The following CTTNBP2 variants were observed in gnomAD, a reference collection of about 807,000 sequenced individuals.
CTTNBP2 encodes the protein cortactin binding protein 2, also known as cortactin-binding protein 2.
CTTNBP2 carries 108 observed loss-of-function variants against 156.9 expected under a neutral mutation model. The ratio of observed to expected loss-of-function variants is 0.69; its 90% confidence interval spans 0.59 to 0.81. The LOEUF (loss-of-function observed/expected upper bound fraction) is 0.81, where lower values mean the gene tolerates loss of function less well. Among genes scored for constraint, CTTNBP2 ranks in the 30% least tolerant of loss-of-function variants. The probability of loss-of-function intolerance (pLI) is 0.00; values close to 1 mark genes in which losing one functional copy is unlikely to be tolerated. For synonymous variants in CTTNBP2, 767 were observed against 751.8 expected, an observed-to-expected ratio of 1.02 and a Z score of -0.33; for missense variants, 1,924 against 2,035.4, an observed-to-expected ratio of 0.95 and a Z score of 1.05.
In CTTNBP2 at chr7:117,725,211, C is replaced by A; in HGVS notation, c.4102G>T (p.Glu1368Ter). The change falls in exon 18 of 23, where the codon GAA becomes TAA. Residue 1368 changes from glutamate to a stop codon, truncating the protein, a stop_gained. Transcript: ENST00000160373. LOFTEE classifies it high-confidence loss of function. ...ACAGAGGCTCTTGACAATATTGCTT[C>A]TTGAACTCTGGGTGCGATGACGCCA... ...WNGVIAPRVQ[E>*]AILSRASVKR... The A allele has an allele frequency of 6.2e-7, 1 of 1,614,146 alleles. No homozygotes were observed. Among genetic ancestry groups the A allele is most frequent in the Non-Finnish European group, 8.5e-7 (1 of 1,180,026 alleles).
intron 12 of CTTNBP2, among the ~76,000 whole-genome samples, chr7:117,750,277 G>A (rs1488091979): frequency 6.6e-6 from 1 of 152,080 alleles, no homozygotes; most frequent in African/African-American, 2.4e-5. Context: ...TAAAGAAGCT[G>A]TCTTTAGTTG....
chr7:117,856,655 T>C (rs1374133840), intron 2 of CTTNBP2, among the ~76,000 whole-genome samples: 1 of 152,178 alleles, frequency 6.6e-6, no homozygotes, highest in Admixed American at 6.5e-5. Flanking sequence ...GGAGGAAGAA[T>C]TGCCATGGGT....
intron 21 of CTTNBP2, 58 bp downstream of exon 21, chr7:117,719,446 C>T (rs1352040443): frequency 2.6e-5 from 39 of 1,501,618 alleles, no homozygotes; most frequent in Non-Finnish European, 3.4e-5. Flanking sequence ...TGTGGTCCCC[C>T]AAAAGTCTCC....
intron 7 of CTTNBP2, among the ~76,000 whole-genome samples, chr7:117,778,601 T>C (rs563673878): frequency 6.6e-6 from 1 of 152,216 alleles, no homozygotes; most frequent in Non-Finnish European, 1.5e-5. Context: ...TCAGAAACTC[T>C]GGGGATGGGG....
intron 2 of CTTNBP2, among the ~76,000 whole-genome samples, chr7:117,817,231 G>T (rs1271918784): frequency 6.7e-6 from 1 of 150,160 alleles, no homozygotes; most frequent in Non-Finnish European, 1.5e-5. Context: ...CTACTCGAGA[G>T]GCTGAGGCAG....
At chr7:117,862,988 C>T (rs1803873572) in intron 1 of CTTNBP2, among the ~76,000 whole-genome samples, 1 of 152,178 alleles carries the variant, frequency 6.6e-6, no homozygotes, top group Non-Finnish European at 1.5e-5. Flanking sequence ...AAAAATGGTA[C>T]CATCCTGTCA....
At chr7:117,833,021 C>T (rs1405610676) in intron 2 of CTTNBP2, among the ~76,000 whole-genome samples, 2 of 152,018 alleles carry the variant, frequency 1.3e-5, no homozygotes, top group Non-Finnish European at 2.9e-5. Flanking sequence ...TCCCAAAGTG[C>T]TGGGATTACA....
chr7:117,768,171 A>T (rs973263173), intron 8 of CTTNBP2, among the ~76,000 whole-genome samples: 1 of 152,054 alleles, frequency 6.6e-6, no homozygotes, highest in African/African-American at 2.4e-5. Flanking sequence ...AAACCAGGTC[A>T]TCTTGTATAG....
chr7:117,756,878 C>T (rs970553101), intron 11 of CTTNBP2, among the ~76,000 whole-genome samples: 46 of 152,282 alleles, frequency 3.0e-4, no homozygotes, highest in African/African-American at 1.1e-3. Context: ...TCCTCCACCC[C>T]CTGGGATGCC....
chr7:117,770,078 C>T (rs181278538), intron 8 of CTTNBP2, among the ~76,000 whole-genome samples: 193 of 152,322 alleles, frequency 1.3e-3, no homozygotes, highest in Non-Finnish European at 2.0e-3. Flanking sequence ...CTAGAATCAA[C>T]ATCATCATCA....
chr7:117,848,925 A>G (rs1249920930), intron 2 of CTTNBP2, among the ~76,000 whole-genome samples: 1 of 152,200 alleles, frequency 6.6e-6, no homozygotes, highest in Non-Finnish European at 1.5e-5. Context: ...TCGATTGCAT[A>G]CAGTTCTTAA....
intron 21 of CTTNBP2, 142 bp downstream of exon 21, chr7:117,719,362 T>TA: frequency 1.3e-6 from 1 of 766,380 alleles, no homozygotes; most frequent in East Asian, 2.6e-5. Flanking sequence ...GAAACGGCCT[T>TA]TCTAAGCAAG....
intron 2 of CTTNBP2, among the ~76,000 whole-genome samples, chr7:117,835,268 C>T (rs1801858255): frequency 6.6e-6 from 1 of 152,202 alleles, no homozygotes; most frequent in Admixed American, 6.5e-5. Flanking sequence ...AAGATATGCA[C>T]ACTAATTCAT....
intron 8 of CTTNBP2, among the ~76,000 whole-genome samples, chr7:117,769,894 T>C (rs1423918357): frequency 6.6e-6 from 1 of 152,220 alleles, no homozygotes; most frequent in Admixed American, 6.5e-5. Flanking sequence ...AAAATGACTC[T>C]ATCTACCACT....
chr7:117,808,120 TGGC>T (rs1218345382), intron 3 of CTTNBP2, among the ~76,000 whole-genome samples: 1 of 152,200 alleles, frequency 6.6e-6, no homozygotes, highest in Non-Finnish European at 1.5e-5. Context: ...GTTATTATTT[TGGC>T]TACACAGATT....
intron 2 of CTTNBP2, among the ~76,000 whole-genome samples, chr7:117,824,963 T>G (rs1040808505): frequency 6.6e-6 from 1 of 152,258 alleles, no homozygotes; most frequent in African/African-American, 2.4e-5. Context: ...TTTTTCTTGT[T>G]TACTCCATCC....
chr7:117,797,024 C>A (rs1450263225), intron 3 of CTTNBP2, among the ~76,000 whole-genome samples: 2 of 152,142 alleles, frequency 1.3e-5, no homozygotes, highest in African/African-American at 2.4e-5. Flanking sequence ...AAGAAAGGAG[C>A]CAATAGCATT....
intron 22 of CTTNBP2, 97 bp from the exon 23 acceptor site, chr7:117,711,879 C>T: frequency 8.2e-7 from 1 of 1,218,884 alleles, no homozygotes; most frequent in Non-Finnish European, 1.1e-6. Context: ...AGGAGTTTCT[C>T]TCTAAAACTA....
rs1249281044 is a variant in CTTNBP2 at position 117,791,935 on chromosome 7, G to C, written c.1261C>G (p.Gln421Glu). Reference protein sequence around the residue: ...QTPGIAPQNSQAPPMHSLHSP... With the variant: ...QTPGIAPQNSEAPPMHSLHSP... ...TGTAAACTGTGCATAGGTGGAGCTTGCGAGTTCTGAGGAGCTATGCCTGGT... is the reference window on the plus strand; with the variant it reads ...TGTAAACTGTGCATAGGTGGAGCTTCCGAGTTCTGAGGAGCTATGCCTGGT... The change falls in exon 4 of 23, where the codon CAA (glutamine) becomes GAA (glutamate). Residue 421 changes from glutamine to glutamate, a missense_variant. Coordinates refer to ENST00000160373, the MANE Select transcript of CTTNBP2 (RefSeq NM_033427.3). The C allele has an allele frequency of 1.2e-6, 2 of 1,614,186 alleles. No individual in the cohort carries two copies. Among genetic ancestry groups the C allele is most frequent in the Middle Eastern group, 1.7e-4 (1 of 6,060 alleles).
Sources: gnomAD v4.1 joint callset for allele counts (sites outside exome capture counted in the v4.1 genomes callset) on GRCh38, gnomAD v4.1.1 for gene constraint, MANE v1.5 for transcripts, NCBI Gene and HGNC (gene_info 2026-07-23, HGNC 2026-07-21) for gene names.